The following BRAF variants were observed in gnomAD, a reference collection of about 807,000 sequenced individuals.
The protein encoded by BRAF is serine/threonine-protein kinase B-raf.
A neutral mutation model predicts 104.6 loss-of-function variants in BRAF; 16 were observed. That is an observed-to-expected ratio of 0.15 (90% confidence interval 0.10 to 0.23). The LOEUF is 0.23. Among genes scored for constraint, BRAF ranks in the 10% least tolerant of loss-of-function variants. The pLI is 1.00. For missense variants in BRAF, 541 were observed against 937.3 expected (o/e 0.58, Z 5.52); for synonymous variants, 310 against 341.6 (o/e 0.91, Z 1.02).
chr7:140,897,497 T>TC (rs1563024024), intron 1 of BRAF, among the ~76,000 whole-genome samples: 5 of 140,072 alleles, frequency 3.6e-5, no homozygotes, highest in Non-Finnish European at 7.7e-5. Flanking sequence ...TTTTTTCTTT[T>TC]TTTTTTTTTT....
chr7:140,892,015 G>A (rs1488268919), intron 1 of BRAF, among the ~76,000 whole-genome samples: 1 of 152,162 alleles, frequency 6.6e-6, no homozygotes, highest in East Asian at 1.9e-4. Flanking sequence ...CAGCACTTTC[G>A]GAGGCCGAGG....
chr7:140,725,912 AT>A lies in BRAF; in HGVS notation c.*581del. 2 of 1,062,948 alleles carry A rather than the reference AT, an allele frequency of 1.9e-6. No homozygotes were observed. The highest frequency in any genetic ancestry group is 3.3e-5 in the African/African-American group (2 of 61,030). 65.8% of individuals were successfully genotyped at this position (1,062,948 alleles called of 1,614,324 possible). ...TACTCACCACTCAGCCTCCATTTAA[AT>A]AAAATAGTTTCCTTTTGATAAAATC... On this transcript the variant is annotated 3_prime_UTR_variant, in exon 20 of 20. Coordinates refer to ENST00000644969, the MANE Select transcript of BRAF (RefSeq NM_001374258.1).
At chr7:140,830,154 G>T (rs562575071) in intron 3 of BRAF, among the ~76,000 whole-genome samples, 1 of 152,268 alleles carries the variant, frequency 6.6e-6, no homozygotes, top group African/African-American at 2.4e-5. Context: ...TTGGCTTCAA[G>T]AATGAAGTAC....
At chr7:140,828,033 T>A (rs1363596830) in intron 3 of BRAF, among the ~76,000 whole-genome samples, 2 of 151,896 alleles carry the variant, frequency 1.3e-5, no homozygotes, top group Non-Finnish European at 2.9e-5. Context: ...AATAGCTGGG[T>A]TACAGGCATG....
intron 17 of BRAF, among the ~76,000 whole-genome samples, chr7:140,743,808 G>C (rs1435033318): frequency 6.6e-6 from 1 of 152,060 alleles, no homozygotes; most frequent in Non-Finnish European, 1.5e-5. Context: ...GCAACAAAGA[G>C]ACATTTCTAA....
chr7:140,908,911 T>C (rs1233353982), intron 1 of BRAF, among the ~76,000 whole-genome samples: 2 of 138,372 alleles, frequency 1.4e-5, no homozygotes, highest in East Asian at 2.2e-4. Flanking sequence ...ACTTATTTAT[T>C]TGGATTCTTG....
chr7:140,807,858 T>A, intron 5 of BRAF, 102 bp downstream of exon 5: 1 of 873,160 alleles, frequency 1.1e-6, no homozygotes, highest in Non-Finnish European at 1.8e-6. Flanking sequence ...AAAATGTCAG[T>A]TCCAAAATTA....
intron 14 of BRAF, among the ~76,000 whole-genome samples, chr7:140,766,442 T>TA (rs1387202439): frequency 4.0e-5 from 6 of 148,582 alleles, no homozygotes; most frequent in African/African-American, 1.0e-4. Flanking sequence ...AGTATAATAA[T>TA]AAAAAAAACA....
intron 17 of BRAF, among the ~76,000 whole-genome samples, chr7:140,743,770 A>G (rs1463950138): frequency 6.6e-6 from 1 of 152,130 alleles, no homozygotes; most frequent in African/African-American, 2.4e-5. Context: ...TATAGTATAC[A>G]TTGTCCCAGG....
At chr7:140,898,748 T>C (rs997852830) in intron 1 of BRAF, among the ~76,000 whole-genome samples, 1 of 152,206 alleles carries the variant, frequency 6.6e-6, no homozygotes, top group African/African-American at 2.4e-5. Context: ...TTATCATCAT[T>C]ATTCCCTTGA....
intron 2 of BRAF, 109 bp downstream of exon 2, chr7:140,850,002 C>G (rs1156907894): frequency 4.9e-6 from 4 of 808,332 alleles, no homozygotes; most frequent in East Asian, 2.5e-5. Flanking sequence ...CTTCCCAAAT[C>G]TATTCCTAAT....
chr7:140,807,401 T>C (rs939321333), intron 5 of BRAF, among the ~76,000 whole-genome samples: 2 of 152,116 alleles, frequency 1.3e-5, no homozygotes, highest in African/African-American at 4.8e-5. Flanking sequence ...TCTTACGAAT[T>C]ATTACATAGT....
At chr7:140,787,312 A>G (rs1362292035) in intron 9 of BRAF, among the ~76,000 whole-genome samples, 2 of 151,356 alleles carry the variant, frequency 1.3e-5, no homozygotes, top group Admixed American at 1.3e-4. Context: ...AAAAAAAAAA[A>G]AAAAAAAAAA....
At chr7:140,732,211 A>G (rs67648154) in intron 19 of BRAF, 2 of 119,876 alleles carry the variant, frequency 1.7e-5, no homozygotes, top group South Asian at 5.6e-4. Flanking sequence ...AAAAAAAAAA[A>G]GGAAATCAAC....
rs529753147 is a variant in BRAF at position 140,725,772 on chromosome 7, A to C, written c.*722T>G. The stretch of plus-strand genomic sequence containing the variant: ...AAAGAAGGCAATGTGTGCCAGCACT[A>C]TCTAGCCTGCTTGGTTAGACAGACC... On this transcript the variant is annotated 3_prime_UTR_variant, in exon 20 of 20. Coordinates refer to ENST00000644969, the MANE Select transcript of BRAF (RefSeq NM_001374258.1). 9.4e-7 allele frequency: 1 copy of C among 1,062,600 alleles called. No homozygotes were observed. The highest frequency in any genetic ancestry group is 1.6e-5 in the African/African-American group (1 of 61,048). 65.8% of individuals were successfully genotyped at this position (1,062,600 alleles called of 1,614,324 possible).
At chr7:140,732,883 A>G (rs1322151374) in intron 19 of BRAF, 1 of 152,230 alleles carries the variant, frequency 6.6e-6, no homozygotes, top group African/African-American at 2.4e-5. Flanking sequence ...TGTTAGTTAC[A>G]TGCTTGCTAG....
At chr7:140,839,137 A>T (rs1006585886) in intron 2 of BRAF, among the ~76,000 whole-genome samples, 1 of 152,166 alleles carries the variant, frequency 6.6e-6, no homozygotes, top group African/African-American at 2.4e-5. Flanking sequence ...ATCCACACAC[A>T]GAAGAATGAA....
Position 140,723,099 on chromosome 7 carries a change from C to T in BRAF, c.*3395G>A. ...AAGAGGTAGTTTTTTGTAGAGGTCA[C>T]CTGAACCCTGCAATGTGGTTTCGAA... On this transcript the variant is annotated 3_prime_UTR_variant, in exon 20 of 20. Coordinates refer to ENST00000644969, the MANE Select transcript of BRAF (RefSeq NM_001374258.1). The T allele has an allele frequency of 9.5e-7, 1 of 1,051,194 alleles. No individual in the cohort carries two copies. The highest frequency in any genetic ancestry group is 1.1e-6 in the Non-Finnish European group (1 of 870,524). The allele number at this position is 1,051,194 out of a possible 1,614,324, so 65.1% of individuals were successfully genotyped here.
intron 2 of BRAF, among the ~76,000 whole-genome samples, chr7:140,839,213 G>A (rs968452617): frequency 6.6e-6 from 1 of 152,052 alleles, no homozygotes; most frequent in Non-Finnish European, 1.5e-5. Context: ...GTTGGCTCAC[G>A]CCTGCAATCC....
Sources: allele counts gnomAD v4.1 joint callset (sites outside exome capture counted in the v4.1 genomes callset), GRCh38; gene constraint gnomAD v4.1.1; transcripts MANE v1.5; gene names NCBI Gene and HGNC (gene_info 2026-07-23, HGNC 2026-07-21).